RPS6KL1: variants seen among roughly 807,000 people sequenced by gnomAD.
RPS6KL1 encodes ribosomal protein S6 kinase-like 1.
RPS6KL1 carries 41 observed loss-of-function variants against 57.0 expected under a neutral mutation model. That is an observed-to-expected ratio of 0.72 (90% CI 0.56 to 0.93). RPS6KL1 has a LOEUF of 0.93. Ranked by LOEUF, RPS6KL1 falls within the 40% of genes least tolerant of loss-of-function variation. The pLI, the probability that RPS6KL1 is intolerant of heterozygous loss-of-function variation, is 0.00. For synonymous variants in RPS6KL1, 287 were observed against 309.7 expected (o/e 0.93, Z 0.77); for missense variants, 697 against 727.7 (o/e 0.96, Z 0.49).
chr14:74,911,875 G>A (rs1485443689), intron 5 of RPS6KL1, 34 bp from the exon 6 acceptor site: 4 of 1,547,010 alleles, frequency 2.6e-6, no homozygotes, highest in Non-Finnish European at 3.5e-6. Context: ...GTTAAGGCAG[G>A]TACTAGCTCC....
chr14:74,910,047 G>A lies in RPS6KL1; in HGVS notation c.766C>T (p.His256Tyr), dbSNP rs776026626. The change falls in exon 8 of 12, where the codon CAC becomes TAC. Residue 256 changes from histidine (H) to tyrosine (Y), a missense_variant. His to Tyr is a moderately conservative substitution (Grantham distance 83, BLOSUM62 2). Transcript: ENST00000557413. ...QERMKAQLNP[H>Y]LNLLTPARLP... ...CTCGCTGGGGTCAGGAGGTTGAGGT[G>A]GGGGTTGAGCTGAGCCTTCATCCTC... 1.2e-6 allele frequency: 2 copies of A among 1,612,958 alleles called. No individual in the cohort carries two copies. The highest frequency in any genetic ancestry group is 1.7e-6 in the Non-Finnish European group (2 of 1,179,748).
At position 74,904,296 on chromosome 14, in the gene RPS6KL1, T is replaced by C. The variant is rs1211534758; in HGVS notation, c.*2718A>G. The C allele has an allele frequency of 2.0e-5, 3 of 151,288 alleles. No homozygotes were observed. The highest frequency in any genetic ancestry group is 7.4e-5 in the African/African-American group (3 of 40,600). 9.4% of individuals were successfully genotyped at this position (151,288 alleles called of 1,614,324 possible). On this transcript the variant is annotated 3_prime_UTR_variant, in exon 12 of 12. Transcript: ENST00000557413. ...AGTAAGGGGTTGTGGAGACCAAGGT[T>C]TTATGCAGATGAAGCCTCCAGCCAG...
Position 74,907,441 on chromosome 14 carries a change from C to G in RPS6KL1, c.1533G>C (p.Leu511=). ...TGGCCGGGCTACACCTCACCTCAGT[C>G]AGCAGAGAGGCCGCTGGGCGACTGA... ...EWLSRPAASL[L]TELLQFEPTR... Residue 511 remains leucine, a synonymous_variant, in exon 11 of 12, where the codon CTG becomes CTC. Transcript: ENST00000557413. The G allele has an allele frequency of 6.3e-7, 1 of 1,577,470 alleles. No homozygotes were observed. The highest frequency in any genetic ancestry group is 1.2e-5 in the South Asian group (1 of 86,052).
chr14:74,912,068 C>T (rs1213278609), intron 5 of RPS6KL1, among the ~76,000 whole-genome samples: 3 of 152,132 alleles, frequency 2.0e-5, no homozygotes, highest in East Asian at 3.8e-4. Context: ...GGAAGCCTTC[C>T]CAAGATTACA....
At chr14:74,918,455 G>A (rs1336707079) in intron 5 of RPS6KL1, 58 bp downstream of exon 5, 31 of 1,266,040 alleles carry the variant, frequency 2.4e-5, no homozygotes, top group Non-Finnish European at 3.1e-5. Flanking sequence ...TCTCCCCACC[G>A]CCACCCCAAA....
At chr14:74,921,680 C>G in intron 2 of RPS6KL1, 119 bp from the exon 3 acceptor site, 1 of 1,460,246 alleles carries the variant, frequency 6.8e-7, no homozygotes, top group South Asian at 1.4e-5. Flanking sequence ...CTGAAGGGGT[C>G]AGAGCTAAAG....
intron 5 of RPS6KL1, among the ~76,000 whole-genome samples, chr14:74,914,247 G>A (rs1464878078): frequency 6.6e-6 from 1 of 152,248 alleles, no homozygotes; most frequent in African/African-American, 2.4e-5. Context: ...CTTGTGCAAT[G>A]TTAGAAAAAG....
chr14:74,921,243 A>ACCCCC, intron 3 of RPS6KL1, 34 bp downstream of exon 3: 4 of 639,756 alleles, frequency 6.3e-6, no homozygotes, highest in East Asian at 3.3e-5. Flanking sequence ...GCCCTTCCCC[A>ACCCCC]CCCACCCCAG....
Position 74,906,406 on chromosome 14 carries a change from GGGT to G in RPS6KL1, c.*605_*607del, listed in dbSNP as rs201992817. ...GATAGGGGGCATGGTCAGGAATCGGGGGTGGGGGGGTGGGGGTGGGGGTCATCC... is the reference window on the plus strand; with the variant it reads ...GATAGGGGGCATGGTCAGGAATCGGGGGGGGGGTGGGGGTGGGGGTCATCC... On this transcript the variant is annotated 3_prime_UTR_variant, in exon 12 of 12. Transcript: ENST00000557413. 12,229 of 291,480 alleles carry G rather than the reference GGGT, an allele frequency of 0.042. 86 individuals carry two copies. The highest frequency in any genetic ancestry group is 0.069 in the South Asian group (2,838 of 41,166). The allele number at this position is 291,480 out of a possible 1,614,324, so 18.1% of individuals were successfully genotyped here. A position where few individuals can be genotyped will look rare whatever the true frequency, so the allele number is the denominator to read the frequency against.
rs774887864 is a variant in RPS6KL1 at position 74,907,473 on chromosome 14, C to G, written c.1501G>C (p.Glu501Gln). The change falls in exon 11 of 12, where the codon GAG becomes CAG. Residue 501 changes from glutamate to glutamine, a missense_variant. By Grantham distance (29) the Glu-to-Gln change is conservative. Coordinates refer to ENST00000557413, the MANE Select transcript of RPS6KL1 (RefSeq NM_031464.5). ...GAGGCCGCTGGGCGACTGAGCCACT[C>G]GGGCAGCTGGAGCTGGGTGTGGGCC... ...IQAHTQLQLP[E>Q]WLSRPAASLL... 1.3e-6 allele frequency: 2 copies of G among 1,588,714 alleles called. No individual in the cohort carries two copies. Among genetic ancestry groups the G allele is most frequent in the Non-Finnish European group, 1.7e-6 (2 of 1,167,838 alleles).
chr14:74,915,678 C>T (rs1204807541), intron 5 of RPS6KL1, among the ~76,000 whole-genome samples: 1 of 152,212 alleles, frequency 6.6e-6, no homozygotes, highest in Non-Finnish European at 1.5e-5. Context: ...TCTCCTCCTC[C>T]ACTCCCTGCT....
At chr14:74,911,714 A>G (rs1329671342) in intron 6 of RPS6KL1, 80 bp downstream of exon 6, 2 of 1,317,594 alleles carry the variant, frequency 1.5e-6, no homozygotes, top group African/African-American at 1.5e-5. Flanking sequence ...CTTCAAATGC[A>G]GGTTCTGGGT....
At chr14:74,921,775 T>TTA in intron 2 of RPS6KL1, 98 of 1,210,048 alleles carry the variant, frequency 8.1e-5, no homozygotes, top group Non-Finnish European at 9.3e-5. Context: ...CTGTTTTCTT[T>TTA]TCTTTTTTTT....
chr14:74,918,607 T>C lies in RPS6KL1; in HGVS notation c.391-2A>G. 1.3e-6 allele frequency: 2 copies of C among 1,533,300 alleles called. No homozygotes were observed. The highest frequency in any genetic ancestry group is 1.7e-6 in the Non-Finnish European group (2 of 1,145,382). 95.0% of individuals were successfully genotyped at this position (1,533,300 alleles called of 1,614,324 possible). A position where few individuals can be genotyped will look rare whatever the true frequency, so the allele number is the denominator to read the frequency against. On this transcript the variant is annotated splice_acceptor_variant, in intron 4 of 11. Transcript: ENST00000557413. LOFTEE classifies it high-confidence loss of function. ...CCGGAGCCTCAGGCTGCTGAAACCC[T>C]GCAGAGGAGGGAGACAGGCCACACA...
At position 74,920,964 on chromosome 14, in the gene RPS6KL1, T is replaced by G. The variant is rs1887730686; in HGVS notation, c.265+313A>C. Among the ~76,000 whole-genome samples the G allele has an allele frequency of 2.0e-5, 3 of 152,342 alleles. No homozygotes were observed. The South Asian group carries it at 6.2e-4, about 32-fold the overall frequency. On this transcript the variant is annotated intron_variant, in intron 3 of 11. Transcript: ENST00000557413. ...TGAACTGCCCCATGCCTCAGCTTCC[T>G]CATCTGGAACATGAGAATGTAAAAA...
At chr14:74,919,132 G>A (rs1887356400) in intron 4 of RPS6KL1, among the ~76,000 whole-genome samples, 3 of 152,190 alleles carry the variant, frequency 2.0e-5, no homozygotes, top group South Asian at 2.1e-4. Context: ...CCAAGATCAC[G>A]CCACTGCACT....
At chr14:74,912,853 G>A (rs566626783) in intron 5 of RPS6KL1, among the ~76,000 whole-genome samples, 14 of 152,390 alleles carry the variant, frequency 9.2e-5, no homozygotes, top group African/African-American at 3.4e-4. Context: ...CAATCGCAAG[G>A]TCAGGGCCAT....
chr14:74,909,581 C>G lies in RPS6KL1; in HGVS notation c.1232G>C (p.Arg411Pro). ...EALHEQGVLCRDLHPGNLLLD... is the reference protein window; with the variant it reads ...EALHEQGVLCPDLHPGNLLLD... Reference sequence around the variant, plus strand: ...GAGCAGGTTCCCGGGGTGGAGGTCCCGGCACAGCACCCCCTGCTCGTGCAG... The same window carrying G: ...GAGCAGGTTCCCGGGGTGGAGGTCCGGGCACAGCACCCCCTGCTCGTGCAG... Residue 411 changes from arginine to proline, a missense_variant, in exon 8 of 12, where the codon CGG becomes CCG. Physicochemically the swap from Arg to Pro is moderately radical, Grantham distance 103. Transcript: ENST00000557413. 1 of 1,611,482 alleles carries G rather than the reference C, an allele frequency of 6.2e-7. No homozygotes were observed.
chr14:74,910,756 G>A (rs1448455227), intron 7 of RPS6KL1: 1 of 160,898 alleles, frequency 6.2e-6, no homozygotes, highest in South Asian at 1.7e-4. Context: ...GATGTCCCCT[G>A]CCCCCTTGGT....
Sources: allele counts gnomAD v4.1 joint callset (sites outside exome capture counted in the v4.1 genomes callset), GRCh38; gene constraint gnomAD v4.1.1; transcripts MANE v1.5; gene names NCBI Gene and HGNC (gene_info 2026-07-23, HGNC 2026-07-21).